The following DOCK3 variants were observed in gnomAD, a reference collection of about 807,000 sequenced individuals.
DOCK3 encodes the protein dedicator of cytokinesis protein 3.
In DOCK3, 60 loss-of-function variants were observed where a neutral mutation model predicts 265.6. The observed-to-expected ratio is 0.23, with a 90% confidence interval of 0.18 to 0.28. DOCK3 has a LOEUF of 0.28. DOCK3 is among the 10% of genes least tolerant of loss of function. DOCK3 has a pLI of 1.00. For synonymous variants in DOCK3, 881 were observed against 938.0 expected (o/e 0.94, Z 1.11); for missense variants, 1,981 against 2,594.3 (o/e 0.76, Z 5.14).
chr3:51,183,994 T>A (rs1407107885), intron 12 of DOCK3, among the ~76,000 whole-genome samples: 1 of 152,078 alleles, frequency 6.6e-6, no homozygotes, highest in Non-Finnish European at 1.5e-5. Context: ...AGATCTTGGT[T>A]TCTAATATCA....
At chr3:50,679,369 A>G (rs1359111598) in intron 1 of DOCK3, among the ~76,000 whole-genome samples, 8 of 152,168 alleles carry the variant, frequency 5.3e-5, no homozygotes, top group Non-Finnish European at 4.4e-5. Flanking sequence ...ACCAATCTGA[A>G]GACCTTACAT....
At chr3:51,134,927 T>G (rs889862625) in intron 9 of DOCK3, among the ~76,000 whole-genome samples, 2 of 152,178 alleles carry the variant, frequency 1.3e-5, no homozygotes, top group African/African-American at 4.8e-5. Context: ...TCTTCAGAGG[T>G]AAAATACCTG....
chr3:51,224,363 T>C (rs986863284), intron 14 of DOCK3, among the ~76,000 whole-genome samples: 1 of 152,308 alleles, frequency 6.6e-6, no homozygotes, highest in Non-Finnish European at 1.5e-5. Context: ...TCCTCAAATA[T>C]GTGCCAGTCC....
chr3:50,869,940 T>C (rs1026208066), intron 3 of DOCK3, among the ~76,000 whole-genome samples: 4 of 152,192 alleles, frequency 2.6e-5, no homozygotes, highest in Non-Finnish European at 5.9e-5. Context: ...CAACAAGTCT[T>C]TTTGTTATGA....
chr3:51,315,359 A>G (rs1036630295), intron 32 of DOCK3, among the ~76,000 whole-genome samples: 2 of 152,168 alleles, frequency 1.3e-5, no homozygotes, highest in African/African-American at 4.8e-5. Flanking sequence ...ACATCACTAT[A>G]ACTTTCTGAT....
At chr3:51,204,286 C>T (rs2089028956) in intron 12 of DOCK3, among the ~76,000 whole-genome samples, 1 of 145,996 alleles carries the variant, frequency 6.8e-6, no homozygotes, top group African/African-American at 2.5e-5. Context: ...GGCTAATATC[C>T]AGAATCTACA....
At chr3:51,105,988 G>C (rs2083264272) in intron 9 of DOCK3, among the ~76,000 whole-genome samples, 1 of 152,226 alleles carries the variant, frequency 6.6e-6, no homozygotes, top group Non-Finnish European at 1.5e-5. Flanking sequence ...CACTTATGTT[G>C]ACAGGGAAAG....
At chr3:50,874,714 T>C (rs931698362) in intron 3 of DOCK3, among the ~76,000 whole-genome samples, 1 of 152,236 alleles carries the variant, frequency 6.6e-6, no homozygotes, top group African/African-American at 2.4e-5. Context: ...TGGTAGCTAT[T>C]GTAAATCAGA....
chr3:51,130,165 A>G (rs529728604), intron 9 of DOCK3, among the ~76,000 whole-genome samples: 8 of 152,348 alleles, frequency 5.3e-5, no homozygotes, highest in African/African-American at 9.6e-5. Context: ...CTGGCACACA[A>G]ATGTCTCACA....
chr3:50,859,373 A>G (rs573538808), intron 3 of DOCK3, among the ~76,000 whole-genome samples: 27 of 151,924 alleles, frequency 1.8e-4, no homozygotes, highest in Admixed American at 1.4e-3. Flanking sequence ...ACATGCCACC[A>G]TGCCCAGCTA....
chr3:51,057,253 G>A (rs1363651001), intron 5 of DOCK3, among the ~76,000 whole-genome samples: 1 of 152,186 alleles, frequency 6.6e-6, no homozygotes, highest in Non-Finnish European at 1.5e-5. Context: ...TACTTGGCAT[G>A]CGTTTGTAAA....
At chr3:51,323,132 G>A (rs901055321) in intron 32 of DOCK3, among the ~76,000 whole-genome samples, 25 of 152,138 alleles carry the variant, frequency 1.6e-4, no homozygotes, top group African/African-American at 6.0e-4. Context: ...ATGGTAAGGA[G>A]ATCAATGCAA....
chr3:50,804,896 A>G (rs1328555871), intron 2 of DOCK3, among the ~76,000 whole-genome samples: 1 of 151,828 alleles, frequency 6.6e-6, no homozygotes, highest in East Asian at 1.9e-4. Context: ...TCTTTTTTGA[A>G]TTTCTTATTC....
In DOCK3 at chr3:51,264,829, A is replaced by AAAAT. The variant is rs71084138; in HGVS notation, c.2355+4530_2355+4533dup. On this transcript the variant is annotated intron_variant, in intron 23 of 52. Transcript: ENST00000266037. ...GTGACAGAGCGAGACTCAGTCTCAA[A>AAAAT]AAATAAATAAATAAATAAATAAATA... Among the ~76,000 whole-genome samples the AAAAT allele has an allele frequency of 2.7e-3, 379 of 142,252 alleles. 2 individuals carry two copies. The highest frequency in any genetic ancestry group is 7.6e-3 in the African/African-American group (293 of 38,544). The allele number at this position is 142,252 out of a possible 152,430, so 93.3% of individuals were successfully genotyped here.
chr3:51,118,671 G>C (rs1299015658), intron 9 of DOCK3, among the ~76,000 whole-genome samples: 1 of 152,118 alleles, frequency 6.6e-6, no homozygotes, highest in Non-Finnish European at 1.5e-5. Flanking sequence ...ATTTAGGATA[G>C]TTACCTCTTC....
At position 50,675,542 on chromosome 3, in the gene DOCK3, G is replaced by C. The variant is rs1458352821; in HGVS notation, c.37+242G>C. On this transcript the variant is annotated intron_variant, in intron 1 of 52. Transcript: ENST00000266037. The surrounding 1 kb of genome is among the most constrained non-coding windows in gnomAD (Gnocchi z 6.1). ...GGTGCGGCCTTGGCAGGTGCGGCCC[G>C]CGGGAGGGGTGGGCAAGGCCCGGGC... 1.3e-5 allele frequency among the ~76,000 whole-genome samples: 2 copies of C among 152,112 alleles called. No homozygotes were observed. The highest frequency in any genetic ancestry group is 4.8e-5 in the African/African-American group (2 of 41,436).
At chr3:50,842,962 A>G (rs1051275764) in intron 3 of DOCK3, among the ~76,000 whole-genome samples, 2 of 152,130 alleles carry the variant, frequency 1.3e-5, no homozygotes, top group South Asian at 2.1e-4. Context: ...CCACTATCTT[A>G]TTTCCAATAC....
chr3:50,997,756 T>G (rs1307708140), intron 5 of DOCK3, among the ~76,000 whole-genome samples: 1 of 152,124 alleles, frequency 6.6e-6, no homozygotes, highest in East Asian at 1.9e-4. Context: ...GAAAAATAAC[T>G]GGCTAGGTAT....
chr3:50,862,208 G>T (rs2046949585), intron 3 of DOCK3, among the ~76,000 whole-genome samples: 1 of 152,224 alleles, frequency 6.6e-6, no homozygotes, highest in Non-Finnish European at 1.5e-5. Context: ...AGCTCTGTAT[G>T]TGTTCCCTAG....
Sources: allele counts gnomAD v4.1 joint callset (sites outside exome capture counted in the v4.1 genomes callset), GRCh38; gene constraint gnomAD v4.1.1; non-coding constraint Gnocchi (gnomAD v3.1); transcripts MANE v1.5; gene names NCBI Gene and HGNC (gene_info 2026-07-23, HGNC 2026-07-21).